The following ATP8A2 variants were observed in gnomAD, a reference collection of about 807,000 sequenced individuals.
ATP8A2 encodes ATPase phospholipid transporting 8A2, also known as phospholipid-transporting ATPase IB.
Under a neutral mutation model 165.6 loss-of-function variants are expected in ATP8A2, and 100 were observed. The ratio of observed to expected loss-of-function variants is 0.60; its 90% confidence interval spans 0.51 to 0.71. ATP8A2 has a LOEUF of 0.71. Among genes scored for constraint, ATP8A2 ranks in the 30% least tolerant of loss-of-function variants. The pLI is 0.00. For missense variants in ATP8A2, 1,227 were observed against 1,479.5 expected, an observed-to-expected ratio of 0.83 and a Z score of 2.80; for synonymous variants, 543 against 548.8, an observed-to-expected ratio of 0.99 and a Z score of 0.15.
chr13:25,567,276 G>A, intron 16 of ATP8A2: 4 of 456,220 alleles, frequency 8.8e-6, no homozygotes, highest in Non-Finnish European at 1.8e-5. Context: ...ATGTTTGAAT[G>A]GAGATCTGAG....
At chr13:25,948,117 A>G (rs1274907858) in intron 33 of ATP8A2, among the ~76,000 whole-genome samples, 1 of 152,104 alleles carries the variant, frequency 6.6e-6, no homozygotes, top group East Asian at 1.9e-4. Flanking sequence ...TCAGCAACCT[A>G]TTCCCAGTAT....
chr13:25,752,595 A>G (rs1167004776), intron 25 of ATP8A2, among the ~76,000 whole-genome samples: 3 of 152,184 alleles, frequency 2.0e-5, no homozygotes, highest in Non-Finnish European at 4.4e-5. Flanking sequence ...GAATGGACAT[A>G]TGCTGACTGC....
intron 1 of ATP8A2, among the ~76,000 whole-genome samples, chr13:25,387,108 C>T (rs1156950530): frequency 6.6e-6 from 1 of 152,178 alleles, no homozygotes; most frequent in Admixed American, 6.5e-5. Context: ...AGAACTGGCT[C>T]ATTCCGTGCT....
intron 2 of ATP8A2, among the ~76,000 whole-genome samples, chr13:25,477,007 T>C (rs1252628357): frequency 6.6e-6 from 1 of 152,198 alleles, no homozygotes; most frequent in Non-Finnish European, 1.5e-5. Flanking sequence ...CAGGTAACCA[T>C]TGAATGTGTG....
chr13:25,526,832 C>G (rs1211085129), intron 2 of ATP8A2, among the ~76,000 whole-genome samples: 1 of 152,192 alleles, frequency 6.6e-6, no homozygotes, highest in East Asian at 1.9e-4. Flanking sequence ...ACTCCCCATG[C>G]TTCCTGTGAG....
At chr13:25,699,668 T>G (rs1158949217) in intron 25 of ATP8A2, among the ~76,000 whole-genome samples, 1 of 152,180 alleles carries the variant, frequency 6.6e-6, no homozygotes. Context: ...TCCAACCTAC[T>G]GCACATGTCT....
chr13:25,612,067 T>C (rs148469564), intron 24 of ATP8A2, among the ~76,000 whole-genome samples: 38 of 152,312 alleles, frequency 2.5e-4, no homozygotes, highest in African/African-American at 7.9e-4. Context: ...ATCAATTTTA[T>C]TTATCTTTTC....
chr13:25,764,977 A>T lies in ATP8A2; in HGVS notation c.2385-4069A>T, dbSNP rs866656614. ...TGCAAGATCAGAATCAGAAACTCTG[A>T]GAGCAGGGTTTATGTATATCAGATA... is the stretch of plus-strand genomic sequence containing the variant. On this transcript the variant is annotated intron_variant, in intron 25 of 36. Coordinates refer to ENST00000381655, the MANE Select transcript of ATP8A2 (RefSeq NM_016529.6). Among the ~76,000 whole-genome samples, 4 of 152,220 alleles carry T rather than the reference A, an allele frequency of 2.6e-5. No individual in the cohort carries two copies. In the South Asian group the frequency reaches 8.3e-4, roughly 32 times the overall value.
At chr13:25,968,029 C>A (rs372389202) in intron 34 of ATP8A2, among the ~76,000 whole-genome samples, 1 of 152,188 alleles carries the variant, frequency 6.6e-6, no homozygotes, top group Non-Finnish European at 1.5e-5. Context: ...GTTGACTCCA[C>A]GTTTCAAGCC....
chr13:25,816,880 T>C (rs1299977350), intron 27 of ATP8A2, among the ~76,000 whole-genome samples: 1 of 152,204 alleles, frequency 6.6e-6, no homozygotes, highest in African/African-American at 2.4e-5. Context: ...CAGAATTCTC[T>C]TCTGATGATC....
chr13:25,757,809 C>G (rs560953988), intron 25 of ATP8A2, among the ~76,000 whole-genome samples: 1 of 152,244 alleles, frequency 6.6e-6, no homozygotes, highest in African/African-American at 2.4e-5. Flanking sequence ...ATTCTCAACT[C>G]CCCCTTTGGT....
intron 1 of ATP8A2, among the ~76,000 whole-genome samples, chr13:25,394,880 C>T (rs991212142): frequency 1.3e-5 from 2 of 152,162 alleles, no homozygotes; most frequent in African/African-American, 4.8e-5. Flanking sequence ...GCATGACAAG[C>T]CTTACTAAAG....
At chr13:25,388,681 CTGCT>C (rs2033142860) in intron 1 of ATP8A2, among the ~76,000 whole-genome samples, 1 of 152,116 alleles carries the variant, frequency 6.6e-6, no homozygotes, top group African/African-American at 2.4e-5. Flanking sequence ...ACCGGGCTGT[CTGCT>C]TGTGGATTTC....
At chr13:25,983,912 G>A (rs983932324) in intron 35 of ATP8A2, among the ~76,000 whole-genome samples, 18 of 152,068 alleles carry the variant, frequency 1.2e-4, no homozygotes, top group African/African-American at 4.3e-4. Flanking sequence ...GTGAAGCAGG[G>A]GACGAGAATG....
intron 33 of ATP8A2, among the ~76,000 whole-genome samples, chr13:25,911,069 T>C (rs1354332579): frequency 6.6e-6 from 1 of 152,098 alleles, no homozygotes; most frequent in African/African-American, 2.4e-5. Flanking sequence ...GTGGCTTCTT[T>C]AGAGCCAGCC....
intron 33 of ATP8A2, among the ~76,000 whole-genome samples, chr13:25,869,043 T>C (rs1414296510): frequency 3.3e-5 from 4 of 119,950 alleles, no homozygotes; most frequent in Non-Finnish European, 4.7e-5. Flanking sequence ...CACTCCAGCC[T>C]GGGCGACACA....
intron 1 of ATP8A2, among the ~76,000 whole-genome samples, chr13:25,373,044 AT>A (rs1416597306): frequency 6.6e-6 from 1 of 152,234 alleles, no homozygotes; most frequent in Non-Finnish European, 1.5e-5. Context: ...TATAGAACAC[AT>A]TTAGAAACTA....
At chr13:25,396,671 C>G (rs2033436271) in intron 1 of ATP8A2, among the ~76,000 whole-genome samples, 1 of 152,176 alleles carries the variant, frequency 6.6e-6, no homozygotes, top group African/African-American at 2.4e-5. Flanking sequence ...TCTTTGCTCT[C>G]ACGAACTCTA....
intron 13 of ATP8A2, among the ~76,000 whole-genome samples, chr13:25,555,315 T>TA (rs1227728718): frequency 7.2e-5 from 11 of 151,962 alleles, no homozygotes; most frequent in Admixed American, 3.9e-4. Flanking sequence ...AGAAGTAATA[T>TA]AAAAAATACA....
Sources: allele counts gnomAD v4.1 joint callset (sites outside exome capture counted in the v4.1 genomes callset), GRCh38; gene constraint gnomAD v4.1.1; transcripts MANE v1.5; gene names NCBI Gene and HGNC (gene_info 2026-07-23, HGNC 2026-07-21).